Variants in PTPRC observed in about 807,000 individuals in gnomAD.
PTPRC encodes the protein receptor-type tyrosine-protein phosphatase C.
In PTPRC, 44 loss-of-function variants were observed where a neutral mutation model predicts 155.9. That is an observed-to-expected ratio of 0.28 (90% CI 0.22 to 0.36). The LOEUF (loss-of-function observed/expected upper bound fraction) is 0.36. PTPRC is among the 10% of genes least tolerant of loss of function. The pLI, the probability that PTPRC is intolerant of heterozygous loss-of-function variation, is 1.00. For missense variants in PTPRC, 1,401 were observed against 1,564.6 expected (o/e 0.90, Z 1.76); for synonymous variants, 525 against 533.1 (o/e 0.98, Z 0.21).
At chr1:198,694,408 C>A in intron 3 of PTPRC, 1 of 1,120,278 alleles carries the variant, frequency 8.9e-7, no homozygotes, top group Non-Finnish European at 1.1e-6. Flanking sequence ...ACAGGCACAC[C>A]CAGGAACAAT....
chr1:198,639,051 C>T lies in PTPRC; in HGVS notation c.-130C>T. 1.1e-5 allele frequency: 6 copies of T among 555,296 alleles called. No homozygotes were observed. Among genetic ancestry groups the T allele is most frequent in the South Asian group, 4.4e-5 (2 of 45,406 alleles). The allele number at this position is 555,296 out of a possible 1,614,324, so 34.4% of individuals were successfully genotyped here. A position where few individuals can be genotyped will look rare whatever the true frequency, so the allele number is the denominator to read the frequency against. ...GTAAAACCGAATCTGACATCATCAC[C>T]TAGCAGTTCATGCAGCTAGCAAGTG... On this transcript the variant is annotated 5_prime_UTR_variant, in exon 1 of 33. Transcript: ENST00000442510.
At position 198,732,402 on chromosome 1, in the gene PTPRC, T is replaced by G. The variant is rs768634283; in HGVS notation, c.2065+12T>G. 1 of 1,606,742 alleles carries G rather than the reference T, an allele frequency of 6.2e-7. No homozygotes were observed. Among genetic ancestry groups the G allele is most frequent in the South Asian group, 1.1e-5 (1 of 90,952 alleles). ...TGACATTCTTCCTTGTGAGTATTTA[T>G]TGAGTGCTGAATTCCCATATATTAG... is the stretch of plus-strand genomic sequence containing the variant. On this transcript the variant is annotated intron_variant, in intron 19 of 32. Transcript: ENST00000442510.
intron 2 of PTPRC, among the ~76,000 whole-genome samples, chr1:198,643,759 G>A (rs1463585650): frequency 1.3e-5 from 2 of 151,936 alleles, no homozygotes; most frequent in Non-Finnish European, 2.9e-5. Flanking sequence ...GCAAGGAATG[G>A]GAGGGAAATA....
At chr1:198,733,789 A>G (rs1654503100) in intron 20 of PTPRC, among the ~76,000 whole-genome samples, 1 of 151,798 alleles carries the variant, frequency 6.6e-6, no homozygotes, top group South Asian at 2.1e-4. Context: ...GTTTAAAGAA[A>G]TTGAGTAAAA....
Position 198,732,236 on chromosome 1 carries a change from T to C in PTPRC, c.1975-64T>C, listed in dbSNP as rs146996638. ...ATATCTCATTTACTCAAAACGGTCA[T>C]TGGTAAGGGGGAAATTATTTTTCCT... On this transcript the variant is annotated intron_variant, in intron 18 of 32. Coordinates refer to ENST00000442510, the MANE Select transcript of PTPRC (RefSeq NM_002838.5). The C allele has an allele frequency of 5.1e-3, 6,573 of 1,285,290 alleles. 31 individuals are homozygous for C. The highest frequency in any genetic ancestry group is 6.8e-3 in the Non-Finnish European group (6,014 of 885,074). The allele number at this position is 1,285,290 out of a possible 1,614,324, so 79.6% of individuals were successfully genotyped here. A position where few individuals can be genotyped will look rare whatever the true frequency, so the allele number is the denominator to read the frequency against.
At chr1:198,750,248 G>A (rs1419373471) in intron 28 of PTPRC, 1 of 498,212 alleles carries the variant, frequency 2.0e-6, no homozygotes, top group African/African-American at 1.9e-5. Flanking sequence ...TTGTGGAAAG[G>A]AAAATTTGTT....
chr1:198,665,098 T>G (rs943329382), intron 2 of PTPRC, among the ~76,000 whole-genome samples: 8 of 135,458 alleles, frequency 5.9e-5, no homozygotes, highest in Non-Finnish European at 9.6e-5. Flanking sequence ...TTTTTTTTTT[T>G]TTTTTTTTTG....
chr1:198,732,690 A>C, intron 20 of PTPRC, 134 bp downstream of exon 20: 1 of 681,952 alleles, frequency 1.5e-6, no homozygotes, highest in Non-Finnish European at 2.5e-6. Context: ...ACAAAAAATT[A>C]TCAATATTAG....
chr1:198,656,643 TTTGTTTTTTG>T (rs1313571069), intron 2 of PTPRC, among the ~76,000 whole-genome samples: 5 of 88,202 alleles, frequency 5.7e-5, no homozygotes, highest in African/African-American at 2.5e-4. Flanking sequence ...CTACTAGTTT[TTTGTTTTTTG>T]TTTTTTTTTT....
intron 2 of PTPRC, among the ~76,000 whole-genome samples, chr1:198,645,850 C>T (rs778464433): frequency 4.0e-5 from 6 of 151,808 alleles, no homozygotes; most frequent in Non-Finnish European, 5.9e-5. Context: ...AATCCACACA[C>T]TTCTACTTTG....
intron 2 of PTPRC, among the ~76,000 whole-genome samples, chr1:198,677,476 T>TC (rs1665020817): frequency 6.6e-6 from 1 of 152,048 alleles, no homozygotes; most frequent in African/African-American, 2.4e-5. Context: ...TTTTTTTTTT[T>TC]CTAAAAGACT....
intron 2 of PTPRC, among the ~76,000 whole-genome samples, chr1:198,643,401 AGTCAAAAAGAG>A: frequency 6.6e-6 from 1 of 151,962 alleles, no homozygotes; most frequent in Non-Finnish European, 1.5e-5. Flanking sequence ...CAAAGAGGGA[AGTCAAAAAGAG>A]GGAGAATATG....
chr1:198,731,132 T>A (rs903633583), intron 17 of PTPRC, among the ~76,000 whole-genome samples: 5 of 152,112 alleles, frequency 3.3e-5, no homozygotes, highest in African/African-American at 1.2e-4. Context: ...ACAACTTGTT[T>A]CACCATTTAG....
chr1:198,716,540 G>T, intron 12 of PTPRC, 142 bp from the exon 13 acceptor site: 1 of 684,320 alleles, frequency 1.5e-6, no homozygotes, highest in East Asian at 2.7e-5. Context: ...GTACTTTTGA[G>T]TATCAAGGAT....
At chr1:198,691,238 C>A (rs147204474) in intron 2 of PTPRC, among the ~76,000 whole-genome samples, 1 of 152,172 alleles carries the variant, frequency 6.6e-6, no homozygotes, top group Admixed American at 6.5e-5. Context: ...GAGCTACAAA[C>A]CTCTATATTC....
At chr1:198,677,254 CA>C (rs201878018) in intron 2 of PTPRC, among the ~76,000 whole-genome samples, 1,539 of 152,316 alleles carry the variant, frequency 0.01, 13 homozygotes, top group Non-Finnish European at 0.015. Context: ...TGGGATTAAT[CA>C]CCTACTGAAA....
chr1:198,678,078 C>CAT (rs1406689032), intron 2 of PTPRC, among the ~76,000 whole-genome samples: 1 of 152,156 alleles, frequency 6.6e-6, no homozygotes, highest in Non-Finnish European at 1.5e-5. Flanking sequence ...AGAAATTACA[C>CAT]ATATCTTACA....
chr1:198,736,329 C>T (rs1405149969), intron 23 of PTPRC, among the ~76,000 whole-genome samples: 3 of 151,458 alleles, frequency 2.0e-5, no homozygotes, highest in Non-Finnish European at 4.4e-5. Context: ...TCACCATTTC[C>T]ACCCCTGCCA....
intron 23 of PTPRC, among the ~76,000 whole-genome samples, chr1:198,740,650 ACAGT>A (rs754080146): frequency 1.3e-5 from 2 of 151,906 alleles, no homozygotes; most frequent in African/African-American, 4.8e-5. Context: ...TCAAATGCGT[ACAGT>A]CAGAGATGAA....
Sources: gnomAD v4.1 joint callset for allele counts (sites outside exome capture counted in the v4.1 genomes callset) on GRCh38, gnomAD v4.1.1 for gene constraint, MANE v1.5 for transcripts, NCBI Gene and HGNC (gene_info 2026-07-23, HGNC 2026-07-21) for gene names.